Variants in JADE3 observed in about 807,000 individuals in gnomAD.
JADE3 encodes the protein protein Jade-3.
JADE3 carries 2 observed loss-of-function variants against 50.1 expected under a neutral mutation model. That is an observed-to-expected ratio of 0.04 (90% CI 0.02 to 0.13). The LOEUF (loss-of-function observed/expected upper bound fraction) is 0.13. JADE3 is among the 10% of genes least tolerant of loss of function. JADE3 has a pLI of 1.00. For missense variants in JADE3, 475 were observed against 634.4 expected (o/e 0.75, Z 2.70); for synonymous variants, 218 against 232.9 (o/e 0.94, Z 0.58).
intron 3 of JADE3, among the ~76,000 whole-genome samples, chrX:46,996,122 C>T (rs1556357327): frequency 1.8e-5 from 2 of 111,952 alleles, no homozygotes; most frequent in African/African-American, 6.5e-5. Flanking sequence ...CTGCAGCCTC[C>T]GCCTCCTGGG....
chrX:47,011,133 T>C (rs1169584805), intron 4 of JADE3, among the ~76,000 whole-genome samples: 2 of 112,218 alleles, frequency 1.8e-5, no homozygotes, highest in Admixed American at 9.5e-5. Flanking sequence ...GGTTAGGTCT[T>C]CAACATGAAT....
chrX:47,058,666 C>T lies in JADE3; in HGVS notation c.2061C>T (p.Phe687=). 1 of 1,211,522 alleles carries T rather than the reference C, an allele frequency of 8.3e-7. No individual in the cohort carries two copies. The highest frequency in any genetic ancestry group is 1.8e-5 in the South Asian group (1 of 56,881). Residue 687 remains phenylalanine, a synonymous_variant, in exon 11 of 11, where the codon TTC becomes TTT. Coordinates refer to ENST00000614628, the MANE Select transcript of JADE3 (RefSeq NM_014735.5). ...VTQKDSSSEM[F]CDQEPVFSPH... ...AAAAAGACAGCTCGAGTGAGATGTTCTGTGACCAGGAGCCTGTGTTCAGCC... is the reference window on the plus strand; with the variant it reads ...AAAAAGACAGCTCGAGTGAGATGTTTTGTGACCAGGAGCCTGTGTTCAGCC...
chrX:46,918,239 A>G (rs1926150312), intron 1 of JADE3, among the ~76,000 whole-genome samples: 1 of 111,983 alleles, frequency 8.9e-6, no homozygotes, highest in African/African-American at 3.3e-5. Flanking sequence ...GAGAGAAAAC[A>G]TAATTCCTGG....
chrX:47,008,603 CAA>C (rs1454273584), intron 4 of JADE3, among the ~76,000 whole-genome samples: 2 of 111,467 alleles, frequency 1.8e-5, no homozygotes, highest in African/African-American at 6.5e-5. Context: ...AATGTTTTGA[CAA>C]AATTTTTAAA....
chrX:46,944,664 C>CT lies in JADE3; in HGVS notation c.-12+31951dup, dbSNP rs1188236414. Among the ~76,000 whole-genome samples the CT allele has an allele frequency of 4.5e-5, 5 of 110,437 alleles. No homozygotes were observed. In the Admixed American group the frequency reaches 4.8e-4, roughly 11 times the overall value. On this transcript the variant is annotated intron_variant, in intron 1 of 10. Coordinates refer to ENST00000614628, the MANE Select transcript of JADE3 (RefSeq NM_014735.5). Reference sequence around the variant, plus strand: ...CTGTAAACTTTCCTCTTAACACTGCCTTTTTTACATCCCAGAGATTTTGGT... The same window carrying CT: ...CTGTAAACTTTCCTCTTAACACTGCCTTTTTTTACATCCCAGAGATTTTGGT...
chrX:47,049,179 TTC>T (rs1929440966), intron 8 of JADE3, among the ~76,000 whole-genome samples: 3 of 78,339 alleles, frequency 3.8e-5, no homozygotes, highest in Admixed American at 1.5e-4. Flanking sequence ...ACCTTTCTTC[TTC>T]TTTTTTTTTT....
intron 1 of JADE3, among the ~76,000 whole-genome samples, chrX:46,960,987 A>G (rs1927245946): frequency 1.8e-5 from 2 of 111,444 alleles, no homozygotes; most frequent in South Asian, 7.6e-4. Context: ...GTCTGTGAGC[A>G]CTGGGAAGCA....
intron 1 of JADE3, among the ~76,000 whole-genome samples, chrX:46,956,986 T>C (rs371233765): frequency 9.2e-6 from 1 of 109,133 alleles, no homozygotes; most frequent in South Asian, 3.9e-4. Flanking sequence ...CACTTCCAGC[T>C]AATTTTTTTT....
intron 4 of JADE3, among the ~76,000 whole-genome samples, chrX:47,014,085 G>C (rs1356396689): frequency 1.8e-5 from 2 of 112,198 alleles, no homozygotes; most frequent in Non-Finnish European, 3.8e-5. Context: ...ATTCTTCAAA[G>C]AAATGCTTCA....
intron 7 of JADE3, among the ~76,000 whole-genome samples, chrX:47,037,931 G>T (rs1271754958): frequency 9.0e-6 from 1 of 110,797 alleles, no homozygotes; most frequent in African/African-American, 3.3e-5. Context: ...CCCTCCTCCT[G>T]CCCTGTTCCC....
intron 1 of JADE3, among the ~76,000 whole-genome samples, chrX:46,956,046 C>T (rs781928335): frequency 3.7e-4 from 41 of 111,631 alleles, no homozygotes; most frequent in Non-Finnish European, 6.2e-4. Context: ...TTCTCCCACC[C>T]GTGGCCTTTT....
At chrX:47,037,631 T>A (rs1339370617) in intron 7 of JADE3, among the ~76,000 whole-genome samples, 1 of 111,203 alleles carries the variant, frequency 9.0e-6, no homozygotes, top group African/African-American at 3.3e-5. Context: ...ACAAAAAAAA[T>A]AATAATAATT....
intron 8 of JADE3, among the ~76,000 whole-genome samples, chrX:47,051,343 T>A (rs1323566028): frequency 8.9e-6 from 1 of 112,489 alleles, no homozygotes; most frequent in Non-Finnish European, 1.9e-5. Flanking sequence ...TCTAAGATGA[T>A]CTATTGGGCC....
chrX:46,922,654 G>GT (rs374263509), intron 1 of JADE3, among the ~76,000 whole-genome samples: 98 of 101,882 alleles, frequency 9.6e-4, no homozygotes, highest in East Asian at 6.9e-3. Flanking sequence ...TTTTCTTACT[G>GT]TTTTTTTTTT....
At chrX:47,024,262 T>C (rs782711490) in intron 4 of JADE3, among the ~76,000 whole-genome samples, 1 of 112,071 alleles carries the variant, frequency 8.9e-6, no homozygotes, top group African/African-American at 3.2e-5. Flanking sequence ...GTTAGAAGGA[T>C]TGCTTAAGGC....
rs183160250 is a variant in JADE3 at position 46,916,316 on chromosome X, A to G, written c.-12+3597A>G. On this transcript the variant is annotated intron_variant, in intron 1 of 10. Transcript: ENST00000614628. ...CAAACCATTTGTTAGTAATCACTGA[A>G]ATTTATTATTTGTTGTTTCTTTCAA... 7.2e-5 allele frequency among the ~76,000 whole-genome samples: 8 copies of G among 111,823 alleles called. No individual in the cohort carries two copies. The East Asian group carries it at 1.4e-3, about 19-fold the overall frequency.
chrX:46,971,578 G>A (rs1364538070), intron 1 of JADE3, among the ~76,000 whole-genome samples: 3 of 106,911 alleles, frequency 2.8e-5, no homozygotes, highest in Admixed American at 1.0e-4. Flanking sequence ...GGCAGATCAC[G>A]AGGTCAGGAG....
intron 1 of JADE3, among the ~76,000 whole-genome samples, chrX:46,979,873 A>ACTT: frequency 1.6e-5 from 1 of 63,137 alleles, no homozygotes; most frequent in East Asian, 5.4e-4. Flanking sequence ...ATGTCTGCTG[A>ACTT]TTTTTTTTTT....
At chrX:47,014,193 G>A (rs782758771) in intron 4 of JADE3, among the ~76,000 whole-genome samples, 2 of 112,179 alleles carry the variant, frequency 1.8e-5, no homozygotes, top group Admixed American at 1.9e-4. Context: ...TTGAGTGAAA[G>A]GTTTGCTTAA....
Sources: gnomAD v4.1 joint callset for allele counts (sites outside exome capture counted in the v4.1 genomes callset) on GRCh38, gnomAD v4.1.1 for gene constraint, MANE v1.5 for transcripts, NCBI Gene and HGNC (gene_info 2026-07-23, HGNC 2026-07-21) for gene names.